Variants in NLN observed in about 807,000 individuals in gnomAD.
The protein encoded by NLN is neurolysin.
Under a neutral mutation model 79.9 loss-of-function variants are expected in NLN, and 64 were observed. That is an observed-to-expected ratio of 0.80 (90% CI 0.65 to 0.99). The LOEUF (loss-of-function observed/expected upper bound fraction) is 0.99. Among genes scored for constraint, NLN ranks in the 50% least tolerant of loss-of-function variants. The pLI is 0.00. For synonymous variants in NLN, 267 were observed against 296.6 expected (o/e 0.90, Z 1.02); for missense variants, 835 against 858.7 (o/e 0.97, Z 0.34).
intron 2 of NLN, among the ~76,000 whole-genome samples, chr5:65,759,381 A>G (rs1759291560): frequency 1.5e-5 from 2 of 132,208 alleles, no homozygotes; most frequent in African/African-American, 2.9e-5. Flanking sequence ...AATTGAACCT[A>G]TAGGGTGTGT....
intron 8 of NLN, among the ~76,000 whole-genome samples, chr5:65,789,445 A>G (rs1168103904): frequency 2.0e-5 from 3 of 152,216 alleles, no homozygotes; most frequent in African/African-American, 7.2e-5. Flanking sequence ...TGTCATTATC[A>G]TCATCATCTA....
rs534967123 is a variant in NLN, at chr5:65,734,200, T to C, written c.41+11786T>C. On this transcript the variant is annotated intron_variant, in intron 1 of 12. Coordinates refer to ENST00000380985, the MANE Select transcript of NLN (RefSeq NM_020726.5). ...TTTTAGTAGAGACAGGGTTTCACGA[T>C]GTTGGAGGAGGCTGGCCTCAAACTC... Among the ~76,000 whole-genome samples, 9 of 139,514 alleles carry C rather than the reference T, an allele frequency of 6.5e-5. 2 individuals carry two copies. The South Asian group carries it at 8.9e-4, about 14-fold the overall frequency. The allele number at this position is 139,514 out of a possible 152,430, so 91.5% of individuals were successfully genotyped here. A position where few individuals can be genotyped will look rare whatever the true frequency, so the allele number is the denominator to read the frequency against.
chr5:65,722,438 C>T (rs1758332304), intron 1 of NLN, 24 bp downstream of exon 1: 1 of 1,573,034 alleles, frequency 6.4e-7, no homozygotes. Flanking sequence ...GCGGGTTAAC[C>T]TTGGCCGTGG....
chr5:65,797,018 G>A (rs995573156), intron 9 of NLN, among the ~76,000 whole-genome samples: 1 of 152,206 alleles, frequency 6.6e-6, no homozygotes, highest in Non-Finnish European at 1.5e-5. Context: ...AGTTCAATAT[G>A]TCTGCTATCT....
At chr5:65,791,984 T>A (rs1248320340) in intron 8 of NLN, among the ~76,000 whole-genome samples, 3 of 152,252 alleles carry the variant, frequency 2.0e-5, no homozygotes, top group Non-Finnish European at 4.4e-5. Flanking sequence ...TAATTGTGAT[T>A]ACTGATTCTT....
At chr5:65,794,356 A>G (rs1316395351) in intron 9 of NLN, among the ~76,000 whole-genome samples, 1 of 152,194 alleles carries the variant, frequency 6.6e-6, no homozygotes, top group African/African-American at 2.4e-5. Context: ...CACACCCACA[A>G]CCCCAGCACT....
chr5:65,771,824 C>G (rs1759573449), intron 3 of NLN, among the ~76,000 whole-genome samples: 1 of 152,056 alleles, frequency 6.6e-6, no homozygotes, highest in African/African-American at 2.4e-5. Context: ...CCAAACCAGC[C>G]TGGGCAACAT....
rs1269962302 is a variant in NLN, at chr5:65,788,404, C to T, written c.1245C>T (p.Asn415=). Residue 415 remains asparagine (N), a synonymous_variant, in exon 8 of 13, where the codon AAC becomes AAT. Transcript: ENST00000380985. ...FEQMTDAHVW[N]KSVTLYTVKD... ...AAATGACAGATGCTCATGTTTGGAA[C>T]AAGAGTGTTACACTTTATACTGTGA... The T allele has an allele frequency of 6.2e-7, 1 of 1,614,008 alleles. No individual in the cohort carries two copies. Among genetic ancestry groups the T allele is most frequent in the East Asian group, 2.2e-5 (1 of 44,876 alleles).
chr5:65,811,832 T>C (rs2150774830), intron 11 of NLN, among the ~76,000 whole-genome samples: 1 of 152,280 alleles, frequency 6.6e-6, no homozygotes, highest in Middle Eastern at 3.4e-3. Context: ...AAAAAAAAGT[T>C]CTTTTTCAGT....
chr5:65,745,959 G>A (rs1274370565), intron 1 of NLN, among the ~76,000 whole-genome samples: 1 of 152,214 alleles, frequency 6.6e-6, no homozygotes, highest in East Asian at 1.9e-4. Context: ...CTGGGGGCAA[G>A]GAAGATGAGC....
chr5:65,726,734 G>A (rs116270919), intron 1 of NLN, among the ~76,000 whole-genome samples: 2,416 of 152,238 alleles, frequency 0.016, 69 homozygotes, highest in African/African-American at 0.055. Context: ...TTACATAAGG[G>A]CATATCTTAC....
chr5:65,758,823 A>G lies in NLN; in HGVS notation c.298A>G (p.Ile100Val). 1 of 1,610,242 alleles carries G rather than the reference A, an allele frequency of 6.2e-7. No individual in the cohort carries two copies. Among genetic ancestry groups the G allele is most frequent in the Non-Finnish European group, 8.5e-7 (1 of 1,176,822 alleles). Reference sequence around the variant, plus strand: ...ACTGGCAGATGTAGAAGTAAAGTATATAGGTGGGTCAGATGCAGAAGCATA... The same window carrying G: ...ACTGGCAGATGTAGAAGTAAAGTATGTAGGTGGGTCAGATGCAGAAGCATA... Reference protein sequence around the residue: ...QALADVEVKYIVERTMLDFPQ... With the variant: ...QALADVEVKYVVERTMLDFPQ... The change falls in exon 2 of 13, where the codon ATA (isoleucine) becomes GTA (valine). Residue 100 changes from isoleucine (I) to valine (V), a missense_variant. Transcript: ENST00000380985.
chr5:65,745,689 T>C (rs1164289017), intron 1 of NLN, among the ~76,000 whole-genome samples: 1 of 152,194 alleles, frequency 6.6e-6, no homozygotes, highest in East Asian at 1.9e-4. Flanking sequence ...AGCAAAAGGA[T>C]GGCACTGAGA....
At chr5:65,725,467 A>G (rs894600470) in intron 1 of NLN, among the ~76,000 whole-genome samples, 2 of 152,366 alleles carry the variant, frequency 1.3e-5, no homozygotes, top group African/African-American at 4.8e-5. Flanking sequence ...TTTTTAAAAC[A>G]TTAAGCATAA....
At chr5:65,762,898 T>C (rs1212434445) in intron 2 of NLN, 62 bp from the exon 3 acceptor site, 1 of 1,504,432 alleles carries the variant, frequency 6.6e-7, no homozygotes, top group East Asian at 2.3e-5. Flanking sequence ...TATGAGGTAT[T>C]TGGCTTAATA....
chr5:65,787,993 TC>T (rs918608480), intron 7 of NLN, 124 bp from the exon 8 acceptor site: 5 of 911,708 alleles, frequency 5.5e-6, no homozygotes, highest in Non-Finnish European at 8.3e-6. Context: ...TTTACCTCTT[TC>T]CGCCTTATTT....
At chr5:65,802,122 A>G (rs974799748) in intron 9 of NLN, among the ~76,000 whole-genome samples, 3 of 152,192 alleles carry the variant, frequency 2.0e-5, no homozygotes, top group African/African-American at 7.2e-5. Context: ...GACCAGTGGT[A>G]CCTTTGCCCA....
At chr5:65,767,690 T>C (rs909644822) in intron 3 of NLN, among the ~76,000 whole-genome samples, 1 of 152,198 alleles carries the variant, frequency 6.6e-6, no homozygotes, top group Admixed American at 6.5e-5. Context: ...GGCTGCAAAT[T>C]TTTCAAATGT....
Position 65,828,785 on chromosome 5 carries a change from A to T in NLN, c.*5870A>T, listed in dbSNP as rs996962024. 6.6e-6 allele frequency: 1 copy of T among 152,186 alleles called. No individual in the cohort carries two copies. The highest frequency in any genetic ancestry group is 1.5e-5 in the Non-Finnish European group (1 of 68,030). The allele number at this position is 152,186 out of a possible 1,614,324, so 9.4% of individuals were successfully genotyped here. ...CCAGCTTTTAAGATGCGATAATGAT[A>T]AGATGATCATCGGGAAAACATCCCT... On this transcript the variant is annotated 3_prime_UTR_variant, in exon 13 of 13. Coordinates refer to ENST00000380985, the MANE Select transcript of NLN (RefSeq NM_020726.5).
Sources: allele counts gnomAD v4.1 joint callset (sites outside exome capture counted in the v4.1 genomes callset), GRCh38; gene constraint gnomAD v4.1.1; transcripts MANE v1.5; gene names NCBI Gene and HGNC (gene_info 2026-07-23, HGNC 2026-07-21).